Variants in CFTR observed in about 807,000 individuals in gnomAD.
CFTR encodes the protein CF transmembrane conductance regulator, also known as cystic fibrosis transmembrane conductance regulator.
CFTR carries 181 observed loss-of-function variants against 171.6 expected under a neutral mutation model. The observed-to-expected ratio is 1.05, with a 90% CI of 0.93 to 1.19. The LOEUF is 1.19. Ranked by LOEUF, CFTR falls within the 50% of genes most tolerant of loss-of-function variation. CFTR has a pLI of 0.00. For missense variants in CFTR, 1,968 were observed against 1,734.7 expected (o/e 1.13, Z -2.39); for synonymous variants, 583 against 608.0 (o/e 0.96, Z 0.60).
intron 1 of CFTR, among the ~76,000 whole-genome samples, chr7:117,499,283 A>G (rs941521271): frequency 6.6e-6 from 1 of 152,064 alleles, no homozygotes; most frequent in Non-Finnish European, 1.5e-5. Flanking sequence ...AGCTTTAATT[A>G]TATGACTTTA....
chr7:117,637,953 C>A (rs1792851511), intron 22 of CFTR, among the ~76,000 whole-genome samples: 1 of 152,110 alleles, frequency 6.6e-6, no homozygotes, highest in African/African-American at 2.4e-5. Context: ...CTGTGAGAAC[C>A]TGGTAAGCAT....
chr7:117,611,981 TAAAC>T (rs1210735987), intron 20 of CFTR, among the ~76,000 whole-genome samples, 173 bp downstream of exon 20: 2 of 136,732 alleles, frequency 1.5e-5, no homozygotes, highest in Admixed American at 7.7e-5. Context: ...GTTTTATTGT[TAAAC>T]AAATAATTTC....
At chr7:117,649,064 G>A (rs1418308355) in intron 23 of CFTR, among the ~76,000 whole-genome samples, 3 of 151,856 alleles carry the variant, frequency 2.0e-5, no homozygotes, top group Non-Finnish European at 4.4e-5. Context: ...TTGAATATAT[G>A]TGTATCTATT....
At chr7:117,609,771 A>G (rs1031439052) in intron 18 of CFTR, among the ~76,000 whole-genome samples, 2 of 152,188 alleles carry the variant, frequency 1.3e-5, no homozygotes, top group Admixed American at 1.3e-4. Context: ...ATTTAAAAAT[A>G]GTTTATTTTA....
At chr7:117,486,781 T>C (rs34808223) in intron 1 of CFTR, among the ~76,000 whole-genome samples, 2,197 of 151,208 alleles carry the variant, frequency 0.015, 56 homozygotes, top group African/African-American at 0.051. Context: ...AAGCCATGGC[T>C]TTTAAACAGG....
intron 20 of CFTR, 139 bp from the exon 21 acceptor site, chr7:117,614,474 G>C (rs758539529): frequency 2.9e-6 from 2 of 685,162 alleles, no homozygotes. Flanking sequence ...GATGAACTGA[G>C]ATTTAAAAAT....
chr7:117,578,755 G>A (rs1268043442), intron 11 of CFTR, among the ~76,000 whole-genome samples: 3 of 151,986 alleles, frequency 2.0e-5, no homozygotes, highest in Non-Finnish European at 1.5e-5. Context: ...TGTCAGTTTA[G>A]ATCTTTTTGA....
intron 21 of CFTR, among the ~76,000 whole-genome samples, chr7:117,622,111 G>A (rs1792591565): frequency 6.6e-6 from 1 of 152,150 alleles, no homozygotes; most frequent in Admixed American, 6.6e-5. Flanking sequence ...AACCATTTCT[G>A]TAGAGAGCAA....
At chr7:117,487,791 G>A (rs1458650154) in intron 1 of CFTR, 1 of 152,034 alleles carries the variant, frequency 6.6e-6, no homozygotes, top group Non-Finnish European at 1.5e-5. Flanking sequence ...TTTGATACCA[G>A]TCAGACAAAT....
intron 11 of CFTR, among the ~76,000 whole-genome samples, chr7:117,566,384 G>A (rs1791602779): frequency 2.0e-5 from 3 of 152,026 alleles, no homozygotes; most frequent in Non-Finnish European, 4.4e-5. Context: ...GCTGTGAGCT[G>A]AGATTGCGCC....
intron 3 of CFTR, among the ~76,000 whole-genome samples, chr7:117,510,500 C>T (rs1336254050): frequency 6.6e-6 from 1 of 152,104 alleles, no homozygotes; most frequent in Non-Finnish European, 1.5e-5. Flanking sequence ...ATGTCATGGC[C>T]AAGATTTCAG....
chr7:117,658,696 T>C (rs1793219221), intron 24 of CFTR, among the ~76,000 whole-genome samples: 1 of 152,104 alleles, frequency 6.6e-6, no homozygotes, highest in East Asian at 1.9e-4. Context: ...CATCTTTCAC[T>C]CTCAAGTTCC....
chr7:117,613,073 A>G (rs191240644), intron 20 of CFTR, among the ~76,000 whole-genome samples: 1 of 152,288 alleles, frequency 6.6e-6, no homozygotes, highest in East Asian at 1.9e-4. Context: ...GCAGTGGGAA[A>G]TGACTCTATG....
In CFTR at chr7:117,614,517, T is replaced by G. The variant is rs1792453450; in HGVS notation, c.3368-96T>G. On this transcript the variant is annotated intron_variant, in intron 20 of 26. Coordinates refer to ENST00000003084, the MANE Select transcript of CFTR (RefSeq NM_000492.4). ...ATTAGCATAAAATTGAAATGTAAAT[T>G]TAATGTGATATGTGCCCTAGGAGAA... 6 of 809,986 alleles carry G rather than the reference T, an allele frequency of 7.4e-6. No homozygotes were observed. In the South Asian group the frequency reaches 8.3e-5, roughly 11 times the overall value. The allele number at this position is 809,986 out of a possible 1,614,324, so 50.2% of individuals were successfully genotyped here.
chr7:117,489,316 A>G (rs560650708), intron 1 of CFTR, among the ~76,000 whole-genome samples: 1 of 152,210 alleles, frequency 6.6e-6, no homozygotes, highest in East Asian at 1.9e-4. Context: ...ACGATGCTGA[A>G]GAAGAAAGTG....
chr7:117,501,747 C>CAAAAAAAAAAAAAAAAAAAAAAA (rs1212853305), intron 1 of CFTR, among the ~76,000 whole-genome samples: 42 of 43,876 alleles, frequency 9.6e-4, no homozygotes, highest in Non-Finnish European at 1.5e-3. Flanking sequence ...AACTCTGTCT[C>CAAAAAAAAAAAAAAAAAAAAAAA]AAAAAAAAAA....
intron 21 of CFTR, among the ~76,000 whole-genome samples, chr7:117,617,280 CTTTT>C (rs753988390): frequency 7.1e-6 from 1 of 141,264 alleles, no homozygotes; most frequent in Non-Finnish European, 1.5e-5. Flanking sequence ...GACAGTGTGG[CTTTT>C]TTTTTTTTTA....
chr7:117,535,034 A>T (rs1340264582), intron 5 of CFTR, among the ~76,000 whole-genome samples: 1 of 152,204 alleles, frequency 6.6e-6, no homozygotes, highest in Non-Finnish European at 1.5e-5. Context: ...CTGACTTGAA[A>T]TTTGTTTTTT....
intron 14 of CFTR, among the ~76,000 whole-genome samples, chr7:117,594,561 G>C (rs958648367): frequency 1.3e-5 from 2 of 152,082 alleles, no homozygotes; most frequent in Admixed American, 6.6e-5. Flanking sequence ...GAAGAAACAG[G>C]TTAAATCAAA....
Sources: allele counts gnomAD v4.1 joint callset (sites outside exome capture counted in the v4.1 genomes callset), GRCh38; gene constraint gnomAD v4.1.1; transcripts MANE v1.5; gene names NCBI Gene and HGNC (gene_info 2026-07-23, HGNC 2026-07-21).